ARHGEF40: variants seen among roughly 807,000 people sequenced by gnomAD.
The protein encoded by ARHGEF40 is Rho guanine nucleotide exchange factor (GEF) 40.
ARHGEF40 carries 98 observed loss-of-function variants against 165.9 expected under a neutral mutation model. The ratio of observed to expected loss-of-function variants is 0.59; its 90% CI spans 0.50 to 0.70. The LOEUF is 0.70. ARHGEF40 is among the 30% of genes least tolerant of loss of function. The pLI is 0.00. For missense variants in ARHGEF40, 1,815 were observed against 1,968.0 expected, an observed-to-expected ratio of 0.92 and a Z score of 1.47; for synonymous variants, 792 against 814.3, an observed-to-expected ratio of 0.97 and a Z score of 0.47.
In ARHGEF40 at chr14:21,075,677, A is replaced by G. The variant is rs1323144109; in HGVS notation, c.1651A>G (p.Thr551Ala). Residue 551 changes from threonine (T) to alanine (A), a missense_variant, in exon 5 of 24, where the codon ACC becomes GCC. Thr to Ala is a moderately conservative substitution (Grantham distance 58, BLOSUM62 0). Coordinates refer to ENST00000298694, the MANE Select transcript of ARHGEF40 (RefSeq NM_018071.5). This position sits in a 1 kb window ranked among gnomAD's most constrained non-coding sequence, Gnocchi z 4.5. ...GGACCAGAGTGGGCGAGCTCTGCTG[A>G]CCATTACCCCACCGTGCCCTCCTGA... ...GVDQSGRALL[T>A]ITPPCPPEEP... 1.2e-6 allele frequency: 2 copies of G among 1,613,796 alleles called. No individual in the cohort carries two copies. Among genetic ancestry groups the G allele is most frequent in the Non-Finnish European group, 1.7e-6 (2 of 1,179,958 alleles).
At chr14:21,083,177 T>C (rs1314003876) in intron 16 of ARHGEF40, among the ~76,000 whole-genome samples, 1 of 152,030 alleles carries the variant, frequency 6.6e-6, no homozygotes, top group East Asian at 1.9e-4. Context: ...CAATAGTCAC[T>C]ATAGCCAGCT....
In ARHGEF40 at chr14:21,073,053, G is replaced by C; in HGVS notation, c.12G>C (p.Glu4Asp). ...TGGTCCTATCTCTACAGGAGCCTGA[G>C]CCAGTGGAGGACTGTGTGCAGAGCA... MEPEPVEDCVQSTL... is the reference protein window; with the variant it reads MEPDPVEDCVQSTL... The change falls in exon 2 of 24, where the codon GAG becomes GAC. Residue 4 changes from glutamate (E) to aspartate (D), a missense_variant. Coordinates refer to ENST00000298694, the MANE Select transcript of ARHGEF40 (RefSeq NM_018071.5). This position sits in a 1 kb window ranked among gnomAD's most constrained non-coding sequence, Gnocchi z 4.6. 1.2e-6 allele frequency: 2 copies of C among 1,613,876 alleles called. No homozygotes were observed. Among genetic ancestry groups the C allele is most frequent in the Non-Finnish European group, 1.7e-6 (2 of 1,179,798 alleles).
intron 10 of ARHGEF40, 59 bp from the exon 11 acceptor site, chr14:21,078,825 G>A: frequency 1.3e-6 from 2 of 1,585,764 alleles, no homozygotes; most frequent in South Asian, 1.1e-5. Context: ...AGGCACGGAA[G>A]GACAGAATTG....
chr14:21,067,932 T>C (rs1886358410), upstream of ARHGEF40, among the ~76,000 whole-genome samples: 1 of 151,284 alleles, frequency 6.6e-6, no homozygotes, highest in Admixed American at 6.6e-5. Context: ...CCTGATTCTC[T>C]ATCCAAACTC....
intron 11 of ARHGEF40, among the ~76,000 whole-genome samples, chr14:21,079,231 A>C (rs1035819669): frequency 6.6e-6 from 1 of 152,208 alleles, no homozygotes; most frequent in African/African-American, 2.4e-5. Flanking sequence ...CACTGTTTAC[A>C]CTTGATCGAA....
chr14:21,067,232 C>G (rs1355641095), upstream of ARHGEF40, among the ~76,000 whole-genome samples: 3 of 151,998 alleles, frequency 2.0e-5, no homozygotes, highest in Non-Finnish European at 4.4e-5. Flanking sequence ...CTGGAAATGT[C>G]TTCGGAATTA....
rs1249750057 is a variant in ARHGEF40 at position 21,074,501 on chromosome 14, A to G, written c.771A>G (p.Thr257=). The stretch of plus-strand genomic sequence containing the variant: ...CGCTGCCCGTGAGGGGGAGCCCAAC[A>G]GATGCTGAAGGCTCCCCAGGCCTCT... ...EVTLPVRGSP[T]DAEGSPGLSR... The change falls in exon 3 of 24, where the codon ACA becomes ACG. Residue 257 remains threonine, a synonymous_variant. Transcript: ENST00000298694. The surrounding 1 kb of genome is among the most constrained non-coding windows in gnomAD (Gnocchi z 4.8). 6.4e-7 allele frequency: 1 copy of G among 1,554,588 alleles called. No homozygotes were observed.
Position 21,082,355 on chromosome 14 carries a change from C to A in ARHGEF40, c.3363C>A (p.Gly1121=), listed in dbSNP as rs1236348353. Residue 1121 remains glycine, a synonymous_variant, in exon 15 of 24, where the codon GGC becomes GGA. Coordinates refer to ENST00000298694, the MANE Select transcript of ARHGEF40 (RefSeq NM_018071.5). ...PGPELTPELR[G]TWAAALSARE... is the part of the protein sequence containing the mutation. The stretch of plus-strand genomic sequence containing the variant: ...CTGAGCTGACGCCTGAACTTCGGGG[C>A]ACCTGGGCTGCTGCCCTGAGTGCCC... 6.2e-7 allele frequency: 1 copy of A among 1,612,054 alleles called. No individual in the cohort carries two copies. The highest frequency in any genetic ancestry group is 1.7e-5 in the Admixed American group (1 of 59,996).
At position 21,076,419 on chromosome 14, in the gene ARHGEF40, T is replaced by C; in HGVS notation, c.1799T>C (p.Leu600Pro). 6.2e-7 allele frequency: 1 copy of C among 1,613,808 alleles called. No individual in the cohort carries two copies. Among genetic ancestry groups the C allele is most frequent in the Non-Finnish European group, 8.5e-7 (1 of 1,180,034 alleles). ...CTGGACCTTCGTCAGGCACCTCCAC[T>C]GCCTCCAGCACTCATTCCTGCCTTG... ...VLLDLRQAPP[L>P]PPALIPALSQ... Residue 600 changes from leucine (L) to proline (P), a missense_variant, in exon 6 of 24, where the codon CTG (leucine) becomes CCG (proline). Leu to Pro is a moderately conservative substitution (Grantham distance 98). Transcript: ENST00000298694.
chr14:21,082,860 C>T lies in ARHGEF40; in HGVS notation c.3516C>T (p.Tyr1172=), dbSNP rs773634103. 14 of 1,614,084 alleles carry T rather than the reference C, an allele frequency of 8.7e-6. No homozygotes were observed. Among genetic ancestry groups the T allele is most frequent in the Middle Eastern group, 3.3e-4 (2 of 6,084 alleles). The change falls in exon 16 of 24, where the codon TAC becomes TAT. Residue 1172 remains tyrosine (Y), a synonymous_variant. Transcript: ENST00000298694. ...HGDQFSLYAQ[Y]VKHRHKLENG... ...ACCAGTTCAGCCTTTATGCACAGTA[C>T]GTGAAGCACCGACACAAACTGGAGA...
Position 21,088,020 on chromosome 14 carries a change from C to T in ARHGEF40, c.4440C>T (p.Ser1480=), listed in dbSNP as rs1430346945. The T allele has an allele frequency of 2.8e-5, 45 of 1,613,968 alleles. No individual in the cohort carries two copies. The highest frequency in any genetic ancestry group is 3.6e-5 in the Non-Finnish European group (43 of 1,180,000). ...SGDVSPGPRN[S]PSLQPPHPGS... is the part of the protein sequence containing the mutation. ...ATGTGTCCCCAGGACCAAGAAACAG[C>T]CCCAGCCTGCAACCCCCCCACCCTG... Residue 1480 remains serine, a synonymous_variant, in exon 22 of 24, where the codon AGC becomes AGT. Transcript: ENST00000298694.
At position 21,086,987 on chromosome 14, in the gene ARHGEF40, T is replaced by C. The variant is rs374145906; in HGVS notation, c.4139-14T>C. ...GGCAGGAAGAAGTTGGTAACAAGTG[T>C]CCCTATTCCCCAGAGCTCCGAGTGC... On this transcript the variant is annotated splice_polypyrimidine_tract_variant and intron_variant, in intron 19 of 23. Coordinates refer to ENST00000298694, the MANE Select transcript of ARHGEF40 (RefSeq NM_018071.5). 6 of 1,586,390 alleles carry C rather than the reference T, an allele frequency of 3.8e-6. No individual in the cohort carries two copies. Among genetic ancestry groups the C allele is most frequent in the Middle Eastern group, 3.3e-4 (2 of 6,046 alleles).
chr14:21,063,370 T>C, the ARHGEF40 span, among the ~76,000 whole-genome samples: 1 of 152,200 alleles, frequency 6.6e-6, no homozygotes, highest in Non-Finnish European at 1.5e-5. Context: ...CAAATATCTA[T>C]TGGCACAAAT....
upstream of ARHGEF40, among the ~76,000 whole-genome samples, chr14:21,068,149 G>T (rs1477401657): frequency 4.1e-5 from 2 of 49,132 alleles, 1 homozygote; most frequent in Non-Finnish European, 1.2e-4. Context: ...ACAGGCGCCC[G>T]CTACCACGCC....
Position 21,086,619 on chromosome 14 carries a change from A to T in ARHGEF40, c.4139-382A>T, listed in dbSNP as rs545735536. 2.8e-5 allele frequency: 5 copies of T among 176,626 alleles called. No individual in the cohort carries two copies. The East Asian group carries it at 7.2e-4, about 25-fold the overall frequency. 10.9% of individuals were successfully genotyped at this position (176,626 alleles called of 1,614,324 possible). ...ATGTCTTCATCTTAGTGTAATAGGGATGATTAGGTAAGGTCAAATATATGG... is the reference window on the plus strand; with the variant it reads ...ATGTCTTCATCTTAGTGTAATAGGGTTGATTAGGTAAGGTCAAATATATGG... On this transcript the variant is annotated intron_variant, in intron 19 of 23. Transcript: ENST00000298694.
chr14:21,084,319 A>T (rs187043866), intron 17 of ARHGEF40, among the ~76,000 whole-genome samples: 1 of 152,064 alleles, frequency 6.6e-6, no homozygotes. Context: ...ATCTTTCCCC[A>T]TCTACCCCAT....
At position 21,082,009 on chromosome 14, in the gene ARHGEF40, G is replaced by A; in HGVS notation, c.3141G>A (p.Val1047=). The change falls in exon 14 of 24, where the codon GTG becomes GTA. Residue 1047 remains valine (V), a synonymous_variant. Coordinates refer to ENST00000298694, the MANE Select transcript of ARHGEF40 (RefSeq NM_018071.5). Reference sequence around the variant, plus strand: ...GCCTGGAGGTCACCAGCACTGAGGTGGTAGACAGGACGTGCTCACCACGGG... The same window carrying A: ...GCCTGGAGGTCACCAGCACTGAGGTAGTAGACAGGACGTGCTCACCACGGG... ...IRGLEVTSTE[V]VDRTCSPREH... The A allele has an allele frequency of 3.8e-6, 6 of 1,576,414 alleles. No individual in the cohort carries two copies. The highest frequency in any genetic ancestry group is 5.2e-6 in the Non-Finnish European group (6 of 1,160,696).
chr14:21,065,757 A>C (rs1281462305), upstream of ARHGEF40, among the ~76,000 whole-genome samples: 2 of 152,222 alleles, frequency 1.3e-5, no homozygotes, highest in East Asian at 3.8e-4. Context: ...AAGAGCAAAA[A>C]GGTGCCAAAT....
At chr14:21,062,747 T>TGTGTG in the ARHGEF40 span, among the ~76,000 whole-genome samples, 2 of 36,250 alleles carry the variant, frequency 5.5e-5, no homozygotes, top group South Asian at 9.5e-4. Context: ...GTGTGTGTGT[T>TGTGTG]TTGTTATTTG....
Sources: gnomAD v4.1 joint callset for allele counts (sites outside exome capture counted in the v4.1 genomes callset) on GRCh38, gnomAD v4.1.1 for gene constraint, Gnocchi (gnomAD v3.1) non-coding constraint, MANE v1.5 for transcripts, NCBI Gene and HGNC (gene_info 2026-07-23, HGNC 2026-07-21) for gene names.